Variants in NDUFA10 observed in about 807,000 individuals in gnomAD.
NDUFA10 encodes the protein NADH:ubiquinone oxidoreductase subunit A10, also known as NADH dehydrogenase [ubiquinone] 1 alpha subcomplex subunit 10, mitochondrial.
In NDUFA10, 40 loss-of-function variants were observed where a neutral mutation model predicts 47.8. That is an observed-to-expected ratio of 0.84 (90% CI 0.65 to 1.09). NDUFA10 has a LOEUF of 1.09. NDUFA10 is among the 50% of genes least tolerant of loss of function. NDUFA10 has a pLI of 0.00. For synonymous variants in NDUFA10, 183 were observed against 172.2 expected (o/e 1.06, Z -0.49); for missense variants, 413 against 451.1 (o/e 0.92, Z 0.76).
rs1179801992 is a variant in NDUFA10 at position 239,962,403 on chromosome 2, T to TG, written c.1000-1218dup. 3.3e-5 allele frequency among the ~76,000 whole-genome samples: 5 copies of TG among 152,238 alleles called. No homozygotes were observed. The South Asian group carries it at 1.0e-3, about 32-fold the overall frequency. On this transcript the variant is annotated intron_variant, in intron 9 of 9. Coordinates refer to ENST00000252711, the MANE Select transcript of NDUFA10 (RefSeq NM_004544.4). ...GTGCCTTGCCTGGCCTCTGCCACAGTGGCCACGCAGTGACAGACGAACACA... is the reference window on the plus strand; with the variant it reads ...GTGCCTTGCCTGGCCTCTGCCACAGTGGGCCACGCAGTGACAGACGAACACA...
At chr2:239,997,339 G>A (rs1372528002) in intron 8 of NDUFA10, among the ~76,000 whole-genome samples, 1 of 151,486 alleles carries the variant, frequency 6.6e-6, no homozygotes, top group East Asian at 1.9e-4. Context: ...AAATATGAAG[G>A]GAAAATTCAC....
chr2:240,010,587 C>A (rs952926195), intron 6 of NDUFA10, among the ~76,000 whole-genome samples: 4 of 151,986 alleles, frequency 2.6e-5, no homozygotes, highest in Non-Finnish European at 4.4e-5. Context: ...TAGGGCAGTA[C>A]AACAGGTTAA....
At chr2:239,955,029 C>T (rs1467418160), downstream of NDUFA10, among the ~76,000 whole-genome samples, 1 of 152,234 alleles carries the variant, frequency 6.6e-6, no homozygotes, top group Non-Finnish European at 1.5e-5. Context: ...AAGACTGATT[C>T]TTCCCCTTCA....
rs896318219 is a variant in NDUFA10 at position 239,958,873 on chromosome 2, C to G, written c.*2245G>C. On this transcript the variant is annotated 3_prime_UTR_variant, in exon 10 of 10. Transcript: ENST00000252711. ...CAACAGCATGATTATTTCCTGATCTCCAAAGCACTGAGAAGTCCAACATGG... is the reference window on the plus strand; with the variant it reads ...CAACAGCATGATTATTTCCTGATCTGCAAAGCACTGAGAAGTCCAACATGG... The G allele has an allele frequency of 1.1e-6, 1 of 906,408 alleles. No homozygotes were observed. The highest frequency in any genetic ancestry group is 1.8e-5 in the African/African-American group (1 of 55,518). The allele number at this position is 906,408 out of a possible 1,614,324, so 56.1% of individuals were successfully genotyped here.
chr2:240,005,900 G>A (rs1220085732), intron 7 of NDUFA10, among the ~76,000 whole-genome samples: 1 of 152,160 alleles, frequency 6.6e-6, no homozygotes, highest in African/African-American at 2.4e-5. Context: ...CAGCCTTCAG[G>A]ACAGGCTACT....
At chr2:239,948,781 C>T (rs1043800367) in intron 4 of NDUFA10, among the ~76,000 whole-genome samples, 28 of 152,244 alleles carry the variant, frequency 1.8e-4, no homozygotes, top group African/African-American at 6.0e-4. Flanking sequence ...TAGAGCCAGC[C>T]GAGGTGGCCC....
At chr2:240,015,593 C>T (rs562435189) in intron 4 of NDUFA10, among the ~76,000 whole-genome samples, 16 of 152,226 alleles carry the variant, frequency 1.1e-4, no homozygotes, top group Non-Finnish European at 1.5e-4. Flanking sequence ...GAATAATTCT[C>T]CTAAAGTGAT....
chr2:239,900,579 G>GAAAA lies in NDUFA10; in HGVS notation c.295-5269_295-5266dup, dbSNP rs10566559. Among the ~76,000 whole-genome samples the GAAAA allele has an allele frequency of 3.5e-3, 511 of 147,966 alleles. 1 individual carries two copies. Among genetic ancestry groups the GAAAA allele is most frequent in the East Asian group, 0.016 (81 of 5,062 alleles). On this transcript the variant is annotated intron_variant, in intron 4 of 5. Transcript: ENST00000419408. ...CATTGGGTGGTCTTTTCTTCCATAG[G>GAAAA]AAAAAAAAAACCCATGTGTGTGGGC...
chr2:239,965,874 G>A (rs769969867), intron 9 of NDUFA10, among the ~76,000 whole-genome samples: 32 of 152,158 alleles, frequency 2.1e-4, no homozygotes, highest in Non-Finnish European at 3.7e-4. Flanking sequence ...CAATGCGAAC[G>A]GAGTTTCCCT....
At chr2:239,916,583 A>G (rs1693883450) in intron 4 of NDUFA10, among the ~76,000 whole-genome samples, 1 of 152,246 alleles carries the variant, frequency 6.6e-6, no homozygotes, top group South Asian at 2.1e-4. Flanking sequence ...AGCTAACAAA[A>G]TACCAACGCT....
chr2:239,951,943 C>T (rs1694561264), intron 4 of NDUFA10, among the ~76,000 whole-genome samples: 1 of 152,198 alleles, frequency 6.6e-6, no homozygotes, highest in South Asian at 2.1e-4. Flanking sequence ...CTGTCCCTCT[C>T]GAGACCTGAG....
intron 4 of NDUFA10, among the ~76,000 whole-genome samples, chr2:239,915,553 C>T (rs1693850419): frequency 6.9e-6 from 1 of 144,584 alleles, no homozygotes; most frequent in Non-Finnish European, 1.5e-5. Flanking sequence ...AGAGAACACA[C>T]ACATACACAG....
intron 3 of NDUFA10, among the ~76,000 whole-genome samples, chr2:240,020,290 A>C (rs1697567251): frequency 6.6e-6 from 1 of 152,170 alleles, no homozygotes; most frequent in South Asian, 2.1e-4. Flanking sequence ...CCAATCAACG[A>C]AAGCAGCAAG....
chr2:240,025,197 CGCCACCCT>C (rs1212210416), intron 1 of NDUFA10, 22 bp downstream of exon 1: 16 of 1,441,914 alleles, frequency 1.1e-5, no homozygotes, highest in African/African-American at 3.0e-5. Flanking sequence ...CCTGCCACCC[CGCCACCCT>C]GCCACCCCGC....
At chr2:239,916,800 C>T (rs1021764218) in intron 4 of NDUFA10, among the ~76,000 whole-genome samples, 1 of 152,214 alleles carries the variant, frequency 6.6e-6, no homozygotes, top group African/African-American at 2.4e-5. Flanking sequence ...CCTTGATTCC[C>T]TCAGGAGGAG....
At chr2:239,902,241 A>G (rs1245720101) in intron 4 of NDUFA10, among the ~76,000 whole-genome samples, 1 of 152,212 alleles carries the variant, frequency 6.6e-6, no homozygotes, top group Non-Finnish European at 1.5e-5. Flanking sequence ...CAGATGCAGC[A>G]AACTTCATTG....
chr2:239,992,053 T>C (rs1211511248), intron 8 of NDUFA10, among the ~76,000 whole-genome samples: 1 of 152,248 alleles, frequency 6.6e-6, no homozygotes, highest in Non-Finnish European at 1.5e-5. Flanking sequence ...TTTATTACTA[T>C]GAGCTTAATG....
At chr2:239,903,565 G>A (rs1693592910) in intron 4 of NDUFA10, among the ~76,000 whole-genome samples, 1 of 152,214 alleles carries the variant, frequency 6.6e-6, no homozygotes, top group South Asian at 2.1e-4. Context: ...TGACAAATAA[G>A]GCTGGACGCT....
Position 239,967,082 on chromosome 2 carries a change from A to G in NDUFA10, c.1000-5896T>C, listed in dbSNP as rs150778459. Among the ~76,000 whole-genome samples, 907 of 152,202 alleles carry G rather than the reference A, an allele frequency of 6.0e-3. 5 individuals are homozygous for G. Among genetic ancestry groups the G allele is most frequent in the African/African-American group, 0.021 (864 of 41,510 alleles). On this transcript the variant is annotated intron_variant, in intron 9 of 9. Transcript: ENST00000252711. ...ACACCGATGTGCCCCCTCTAGATTT[A>G]TGTGCTTGAGATAAATTTCTAGAAA...
Sources: allele counts gnomAD v4.1 joint callset (sites outside exome capture counted in the v4.1 genomes callset), GRCh38; gene constraint gnomAD v4.1.1; transcripts MANE v1.5; gene names NCBI Gene and HGNC (gene_info 2026-07-23, HGNC 2026-07-21).